ZMYM4: variants seen among roughly 807,000 people sequenced by gnomAD.
ZMYM4 encodes zinc finger MYM-type protein 4.
ZMYM4 carries 31 observed loss-of-function variants against 183.2 expected under a neutral mutation model. The ratio of observed to expected loss-of-function variants is 0.17; its 90% confidence interval spans 0.13 to 0.23. The LOEUF (loss-of-function observed/expected upper bound fraction) is 0.23. ZMYM4 is among the 10% of genes least tolerant of loss of function. The pLI is 1.00. For missense variants in ZMYM4, 1,273 were observed against 1,840.3 expected (o/e 0.69, Z 5.64); for synonymous variants, 592 against 631.2 (o/e 0.94, Z 0.93).
intron 5 of ZMYM4, among the ~76,000 whole-genome samples, chr1:35,369,064 A>G (rs1303091122): frequency 3.3e-5 from 5 of 152,152 alleles, no homozygotes; most frequent in African/African-American, 7.2e-5. Context: ...CTTAAATAAT[A>G]CATATTTGTA....
Position 35,386,155 on chromosome 1 carries a change from A to G in ZMYM4, c.1802A>G (p.Asn601Ser). The G allele has an allele frequency of 6.2e-7, 1 of 1,613,870 alleles. No individual in the cohort carries two copies. The highest frequency in any genetic ancestry group is 8.5e-7 in the Non-Finnish European group (1 of 1,179,882). ...HLAMSDGSIR[N>S]FCSYSCVVAF... is the part of the protein sequence containing the mutation. ...GCCATGTCAGATGGAAGTATACGCA[A>G]CTTCTGCAGCTACAGCTGTGTGGTA... is the stretch of plus-strand genomic sequence containing the variant. Residue 601 changes from asparagine (N) to serine (S), a missense_variant, in exon 11 of 30, where the codon AAC (asparagine) becomes AGC (serine). By Grantham distance (46) the Asn-to-Ser change is conservative. Around this residue, in one of 6 missense-constraint regions of ZMYM4, gnomAD observed 319 missense variants for 518.1 expected, o/e 0.62. Coordinates refer to ENST00000314607, the MANE Select transcript of ZMYM4 (RefSeq NM_005095.3).
chr1:35,419,276 T>TC (rs1640240978), intron 29 of ZMYM4, among the ~76,000 whole-genome samples, 194 bp from the exon 30 acceptor site: 1 of 152,190 alleles, frequency 6.6e-6, no homozygotes, highest in Non-Finnish European at 1.5e-5. Context: ...TACCTTGCTT[T>TC]CCCCATTGTG....
At chr1:35,405,540 ATATTTAAAAT>A (rs879696835) in intron 25 of ZMYM4, 72 bp downstream of exon 25, 446 of 1,175,854 alleles carry the variant, frequency 3.8e-4, no homozygotes, top group Middle Eastern at 5.1e-4. Context: ...TGTAAATTGA[ATATTTAAAAT>A]TATTTAAAAT....
At chr1:35,295,698 T>A (rs1429657390) in intron 1 of ZMYM4, among the ~76,000 whole-genome samples, 1 of 152,194 alleles carries the variant, frequency 6.6e-6, no homozygotes, top group Non-Finnish European at 1.5e-5. Flanking sequence ...TGGGGAAGAC[T>A]TGGAGGAAGA....
At chr1:35,333,029 G>C (rs1239042551) in intron 2 of ZMYM4, among the ~76,000 whole-genome samples, 1 of 152,136 alleles carries the variant, frequency 6.6e-6, no homozygotes, top group African/African-American at 2.4e-5. Context: ...GGAGGAGGGA[G>C]GGTGAAGGTC....
In ZMYM4 at chr1:35,361,378, T is replaced by A. The variant is rs1372417675; in HGVS notation, c.669+123T>A. ...CACTGATTTTTTTTTTTTAATTTGC[T>A]TAATATTTGTTTAAGGTCATCATCG... On this transcript the variant is annotated intron_variant, in intron 4 of 29. Transcript: ENST00000314607. The A allele has an allele frequency of 6.7e-6, 7 of 1,037,668 alleles. No homozygotes were observed. The Admixed American group carries it at 9.7e-5, about 14-fold the overall frequency. The allele number at this position is 1,037,668 out of a possible 1,614,324, so 64.3% of individuals were successfully genotyped here.
chr1:35,281,300 T>C (rs1640145025), intron 1 of ZMYM4, among the ~76,000 whole-genome samples: 1 of 151,270 alleles, frequency 6.6e-6, no homozygotes, highest in Non-Finnish European at 1.5e-5. Context: ...AAAAAAAAAT[T>C]ACCTTAAGTT....
At position 35,374,019 on chromosome 1, in the gene ZMYM4, CTTTTTTTTTTTTT is replaced by C. The variant is rs397863926; in HGVS notation, c.1181+3408_1181+3420del. Among the ~76,000 whole-genome samples the C allele has an allele frequency of 7.4e-3, 389 of 52,804 alleles. 3 individuals carry two copies. Among genetic ancestry groups the C allele is most frequent in the African/African-American group, 0.028 (368 of 13,042 alleles). 34.6% of individuals were successfully genotyped at this position (52,804 alleles called of 152,430 possible). A position where few individuals can be genotyped will look rare whatever the true frequency, so the allele number is the denominator to read the frequency against. On this transcript the variant is annotated intron_variant, in intron 7 of 29. Coordinates refer to ENST00000314607, the MANE Select transcript of ZMYM4 (RefSeq NM_005095.3). ...ATTCCAGTATGTTCATCATGGGATT[CTTTTTTTTTTTTT>C]TTTTTTTTTTTTTTTGAGACAAGAG...
At chr1:35,360,577 GT>G (rs1643913853) in intron 3 of ZMYM4, among the ~76,000 whole-genome samples, 1 of 152,024 alleles carries the variant, frequency 6.6e-6, no homozygotes, top group Admixed American at 6.6e-5. Context: ...GGGTATGAGA[GT>G]CATGTTTCTC....
chr1:35,323,874 C>T (rs1241632575), intron 1 of ZMYM4, among the ~76,000 whole-genome samples: 2 of 151,906 alleles, frequency 1.3e-5, no homozygotes, highest in East Asian at 3.9e-4. Context: ...TTTTTCATTT[C>T]CCATTTCCCT....
chr1:35,303,861 CTTCTTTAAGT>C (rs1195063457), intron 1 of ZMYM4, among the ~76,000 whole-genome samples: 2 of 151,742 alleles, frequency 1.3e-5, no homozygotes, highest in Non-Finnish European at 2.9e-5. Flanking sequence ...ATTTGGCATC[CTTCTTTAAGT>C]TATATCAATA....
intron 1 of ZMYM4, among the ~76,000 whole-genome samples, chr1:35,274,612 T>G (rs1299807845): frequency 6.9e-6 from 1 of 144,706 alleles, no homozygotes; most frequent in Non-Finnish European, 1.5e-5. Flanking sequence ...ACTGTTTTTT[T>G]TTTTAAAAAA....
chr1:35,393,089 C>G (rs1166878174), intron 17 of ZMYM4, among the ~76,000 whole-genome samples: 1 of 152,066 alleles, frequency 6.6e-6, no homozygotes, highest in African/African-American at 2.4e-5. Flanking sequence ...ATATTTTCTG[C>G]TTTGTCTCTT....
chr1:35,359,918 A>G (rs1243149911), intron 3 of ZMYM4, among the ~76,000 whole-genome samples: 2 of 151,902 alleles, frequency 1.3e-5, no homozygotes, highest in Non-Finnish European at 1.5e-5. Context: ...AAAAAAACCC[A>G]AACATTTCTA....
chr1:35,360,314 C>G (rs1643908149), intron 3 of ZMYM4, among the ~76,000 whole-genome samples: 1 of 151,984 alleles, frequency 6.6e-6, no homozygotes, highest in Admixed American at 6.6e-5. Flanking sequence ...TTGTATCTTA[C>G]TCATCTTTGT....
chr1:35,369,274 G>A (rs1644154699), intron 5 of ZMYM4, among the ~76,000 whole-genome samples: 1 of 152,152 alleles, frequency 6.6e-6, no homozygotes, highest in South Asian at 2.1e-4. Context: ...AAAGCAAACA[G>A]CACTGAAAGG....
rs572479642 is a variant in ZMYM4 at position 35,405,399 on chromosome 1, C to T, written c.3727C>T (p.Arg1243Cys). Reference protein sequence around the residue: ...GGVEQASSSPRSDPLGSTQDH... With the variant: ...GGVEQASSSPCSDPLGSTQDH... ...GGTTGAACAGGCCTCATCTAGCCCA[C>T]GTTCTGACCCCTTAGGAAGTACTCA... The change falls in exon 25 of 30, where the codon CGT becomes TGT. Residue 1243 changes from arginine (R) to cysteine (C), a missense_variant. Transcript: ENST00000314607. 5.8e-5 allele frequency: 94 copies of T among 1,613,424 alleles called. No individual in the cohort carries two copies. The highest frequency in any genetic ancestry group is 1.9e-4 in the South Asian group (17 of 90,864).
chr1:35,338,261 T>G (rs1643058443), intron 2 of ZMYM4, among the ~76,000 whole-genome samples: 1 of 152,166 alleles, frequency 6.6e-6, no homozygotes, highest in African/African-American at 2.4e-5. Flanking sequence ...AAAACTTAGT[T>G]TCTTTTGTGC....
rs1644824320 is a variant in ZMYM4, at chr1:35,397,199, A to T, written c.3031-178A>T. 3.8e-6 allele frequency: 4 copies of T among 1,063,282 alleles called. No homozygotes were observed. In the African/African-American group the frequency reaches 4.9e-5, roughly 13 times the overall value. The allele number at this position is 1,063,282 out of a possible 1,614,324, so 65.9% of individuals were successfully genotyped here. ...TTGAGTGTCCAAAGCACTTATTGAA[A>T]TTTTATTTAAATGGCTCTAGTCTTA... On this transcript the variant is annotated intron_variant, in intron 19 of 29. Transcript: ENST00000314607.
Sources: gnomAD v4.1 joint callset for allele counts (sites outside exome capture counted in the v4.1 genomes callset) on GRCh38, gnomAD v4.1.1 for gene constraint, gnomAD v4.1.1 regional missense constraint, MANE v1.5 for transcripts, NCBI Gene and HGNC (gene_info 2026-07-23, HGNC 2026-07-21) for gene names.